Variants in GPC5 observed in about 807,000 individuals in gnomAD.
GPC5 encodes glypican 5.
A neutral mutation model predicts 53.9 loss-of-function variants in GPC5; 47 were observed. The ratio of observed to expected loss-of-function variants is 0.87; its 90% CI spans 0.69 to 1.11. The LOEUF (loss-of-function observed/expected upper bound fraction) is 1.11, where lower values mean the gene tolerates loss of function less well. Ranked by LOEUF, GPC5 falls within the 50% of genes most tolerant of loss-of-function variation. The probability of loss-of-function intolerance (pLI) is 0.00; values close to 1 mark genes in which losing one functional copy is unlikely to be tolerated. For synonymous variants in GPC5, 286 were observed against 263.3 expected, an observed-to-expected ratio of 1.09 and a Z score of -0.84; for missense variants, 748 against 713.1, an observed-to-expected ratio of 1.05 and a Z score of -0.56.
At chr13:92,197,815 A>G (rs998231363) in intron 7 of GPC5, among the ~76,000 whole-genome samples, 2 of 151,658 alleles carry the variant, frequency 1.3e-5, no homozygotes, top group African/African-American at 4.8e-5. Flanking sequence ...CGAGCCAGGC[A>G]CCCCATATGT....
In GPC5 at chr13:91,710,746, G is replaced by A. The variant is rs576654170; in HGVS notation, c.1020+16865G>A. On this transcript the variant is annotated intron_variant, in intron 3 of 7. Transcript: ENST00000377067. ...CTAGATGCATTTAGACTGTACAAGT[G>A]TATTTCTCATTTACAGAATCCACGT... is the stretch of plus-strand genomic sequence containing the variant. 7.2e-5 allele frequency among the ~76,000 whole-genome samples: 11 copies of A among 152,258 alleles called. No homozygotes were observed. The South Asian group carries it at 1.4e-3, about 20-fold the overall frequency.
chr13:92,445,268 T>G (rs1222428417), intron 7 of GPC5, among the ~76,000 whole-genome samples: 1 of 151,258 alleles, frequency 6.6e-6, no homozygotes, highest in African/African-American at 2.4e-5. Flanking sequence ...TCTCTTTTTT[T>G]TTTTAACAAA....
At chr13:92,271,686 A>T (rs79089575) in intron 7 of GPC5, among the ~76,000 whole-genome samples, 1,999 of 152,294 alleles carry the variant, frequency 0.013, 52 homozygotes, top group African/African-American at 0.045. Context: ...GTTGTGAATG[A>T]AGCTGGAGAG....
chr13:92,269,719 T>G (rs996291666), intron 7 of GPC5, among the ~76,000 whole-genome samples: 1 of 152,182 alleles, frequency 6.6e-6, no homozygotes, highest in Non-Finnish European at 1.5e-5. Flanking sequence ...AGGGATCCTT[T>G]GACCTAAATC....
rs139790964 is a variant in GPC5, at chr13:91,629,897, A to G, written c.326-63290A>G. ...GCAGTGAACCAGATAAGCTAGGGCC[A>G]TTCCTACACCACATTGTAAAGGCTG... On this transcript the variant is annotated intron_variant, in intron 2 of 7. Coordinates refer to ENST00000377067, the MANE Select transcript of GPC5 (RefSeq NM_004466.6). Among the ~76,000 whole-genome samples the G allele has an allele frequency of 2.3e-3, 343 of 152,280 alleles. 3 individuals are homozygous for G. The highest frequency in any genetic ancestry group is 7.8e-3 in the African/African-American group (326 of 41,584).
intron 7 of GPC5, among the ~76,000 whole-genome samples, chr13:92,730,085 A>C (rs541287980): frequency 5.3e-5 from 8 of 151,546 alleles, no homozygotes; most frequent in Admixed American, 4.6e-4. Context: ...AGGCTATATT[A>C]TCTGATTTCT....
chr13:92,518,734 A>C (rs551425757), intron 7 of GPC5, among the ~76,000 whole-genome samples: 9 of 152,304 alleles, frequency 5.9e-5, no homozygotes, highest in African/African-American at 9.6e-5. Flanking sequence ...CGAGCAAAAT[A>C]ACCAGCTAAC....
At chr13:92,773,490 G>A (rs777709835) in intron 7 of GPC5, among the ~76,000 whole-genome samples, 1 of 152,094 alleles carries the variant, frequency 6.6e-6, no homozygotes, top group Non-Finnish European at 1.5e-5. Context: ...CTTCTACTGA[G>A]ATTTTCAGAC....
intron 7 of GPC5, among the ~76,000 whole-genome samples, chr13:92,218,563 G>T (rs535934506): frequency 6.6e-6 from 1 of 152,144 alleles, no homozygotes; most frequent in East Asian, 1.9e-4. Context: ...CAGCCCCTTT[G>T]TCCCCTCCCC....
At chr13:91,567,229 G>A (rs891543781) in intron 2 of GPC5, among the ~76,000 whole-genome samples, 4 of 152,060 alleles carry the variant, frequency 2.6e-5, no homozygotes, top group African/African-American at 7.2e-5. Context: ...GTGGTTCAAC[G>A]TGGTATATAT....
rs145209751 is a variant in GPC5, at chr13:92,262,178, G to A, written c.1561+117189G>A. On this transcript the variant is annotated intron_variant, in intron 7 of 7. Transcript: ENST00000377067. ...AGGTCCTTGTACTGCCATGGACCTT[G>A]GAGCTACCTTATAACATCTGATTTA... Among the ~76,000 whole-genome samples, 978 of 152,242 alleles carry A rather than the reference G, an allele frequency of 6.4e-3. 7 individuals carry two copies. The highest frequency in any genetic ancestry group is 0.022 in the South Asian group (106 of 4,828).
intron 7 of GPC5, among the ~76,000 whole-genome samples, chr13:92,720,892 C>T (rs1184918703): frequency 6.6e-6 from 1 of 151,948 alleles, no homozygotes; most frequent in African/African-American, 2.4e-5. Context: ...TAATTCAAAA[C>T]GTAGGAAAAG....
chr13:92,460,304 A>G (rs1285573267), intron 7 of GPC5, among the ~76,000 whole-genome samples: 1 of 152,190 alleles, frequency 6.6e-6, no homozygotes, highest in Non-Finnish European at 1.5e-5. Flanking sequence ...TTTCACTAAA[A>G]TCAATGTATT....
At chr13:92,386,517 C>T (rs1413726279) in intron 7 of GPC5, among the ~76,000 whole-genome samples, 2 of 152,014 alleles carry the variant, frequency 1.3e-5, no homozygotes, top group Admixed American at 6.6e-5. Flanking sequence ...AGATGGTGAA[C>T]TGTGTTCTGG....
chr13:91,655,625 T>C (rs898382024), intron 2 of GPC5, among the ~76,000 whole-genome samples: 1 of 152,010 alleles, frequency 6.6e-6, no homozygotes, highest in Admixed American at 6.6e-5. Context: ...CTCTACTAAG[T>C]AGAGAACAAA....
At chr13:92,606,806 A>G (rs1403870769) in intron 7 of GPC5, among the ~76,000 whole-genome samples, 1 of 152,102 alleles carries the variant, frequency 6.6e-6, no homozygotes, top group Non-Finnish European at 1.5e-5. Context: ...ACTTTCCTCA[A>G]GAATGGTATG....
chr13:92,582,636 G>C (rs543106430), intron 7 of GPC5, among the ~76,000 whole-genome samples: 1 of 152,216 alleles, frequency 6.6e-6, no homozygotes, highest in South Asian at 2.1e-4. Context: ...ATGAGCATGA[G>C]ATATCTTTTC....
intron 5 of GPC5, among the ~76,000 whole-genome samples, chr13:91,780,443 T>A (rs1221872343): frequency 2.6e-5 from 4 of 152,130 alleles, no homozygotes; most frequent in South Asian, 2.1e-4. Context: ...TTTATTATAT[T>A]TTTTTAAAAA....
intron 7 of GPC5, among the ~76,000 whole-genome samples, chr13:92,483,351 CAT>C (rs1240471096): frequency 2.0e-5 from 3 of 152,190 alleles, no homozygotes; most frequent in Non-Finnish European, 2.9e-5. Context: ...ACCTGTATGA[CAT>C]GTTACTGTAC....
Sources: gnomAD v4.1 joint callset for allele counts (sites outside exome capture counted in the v4.1 genomes callset) on GRCh38, gnomAD v4.1.1 for gene constraint, MANE v1.5 for transcripts, NCBI Gene and HGNC (gene_info 2026-07-23, HGNC 2026-07-21) for gene names.